The following KLF13 variants were observed in gnomAD, a reference collection of about 807,000 sequenced individuals.
The protein encoded by KLF13 is KLF transcription factor 13.
KLF13 carries 8 observed loss-of-function variants against 16.7 expected under a neutral mutation model. The observed-to-expected ratio is 0.48, with a 90% CI of 0.28 to 0.87. KLF13 has a LOEUF of 0.87. Ranked by LOEUF, KLF13 falls within the 40% of genes least tolerant of loss-of-function variation. The pLI, the probability that KLF13 is intolerant of heterozygous loss-of-function variation, is 0.10. For synonymous variants in KLF13, 245 were observed against 208.4 expected (o/e 1.18, Z -1.51); for missense variants, 447 against 452.2 (o/e 0.99, Z 0.10).
chr15:31,383,159 C>T (rs2039748800), intron 1 of KLF13, among the ~76,000 whole-genome samples: 1 of 152,240 alleles, frequency 6.6e-6, no homozygotes, highest in Non-Finnish European at 1.5e-5. Flanking sequence ...TTATTGCATG[C>T]TTACCCTGAT....
chr15:31,433,782 T>A (rs2040499228), intron 1 of KLF13, among the ~76,000 whole-genome samples: 1 of 152,322 alleles, frequency 6.6e-6, no homozygotes, highest in South Asian at 2.1e-4. Context: ...TGACACTGAC[T>A]GGCCACTCAG....
downstream of KLF13, among the ~76,000 whole-genome samples, chr15:31,407,751 T>C (rs1372067011): frequency 6.6e-6 from 1 of 152,150 alleles, no homozygotes; most frequent in Non-Finnish European, 1.5e-5. Context: ...ATAAGAAATA[T>C]ACTATAAAAT....
chr15:31,397,879 G>GC (rs1299651595), intron 2 of KLF13, among the ~76,000 whole-genome samples: 3 of 149,558 alleles, frequency 2.0e-5, no homozygotes, highest in Non-Finnish European at 3.0e-5. Flanking sequence ...GGCGGCGGGG[G>GC]GGGTGGTGAT....
intron 1 of KLF13, among the ~76,000 whole-genome samples, chr15:31,342,143 C>G (rs1033618429): frequency 6.6e-6 from 1 of 152,178 alleles, no homozygotes; most frequent in Non-Finnish European, 1.5e-5. Context: ...CAGAACAGTT[C>G]TGGACAAGTC....
intron 1 of KLF13, among the ~76,000 whole-genome samples, chr15:31,420,990 G>A (rs1055039974): frequency 2.0e-5 from 3 of 152,138 alleles, no homozygotes; most frequent in African/African-American, 7.2e-5. Flanking sequence ...ACCATGCCTG[G>A]CTTCCCTGCC....
chr15:31,361,550 C>A (rs1310967637), intron 1 of KLF13, among the ~76,000 whole-genome samples: 3 of 151,998 alleles, frequency 2.0e-5, no homozygotes, highest in East Asian at 1.9e-4. Flanking sequence ...AGGTCCCCCC[C>A]AGGAGACACA....
At chr15:31,426,388 C>T (rs1335839412) in intron 1 of KLF13, among the ~76,000 whole-genome samples, 1 of 152,178 alleles carries the variant, frequency 6.6e-6, no homozygotes, top group Non-Finnish European at 1.5e-5. Context: ...AGCCTCCTGA[C>T]ATTGGACTTG....
At chr15:31,336,903 C>T (rs552562560) in intron 1 of KLF13, among the ~76,000 whole-genome samples, 2 of 152,258 alleles carry the variant, frequency 1.3e-5, no homozygotes, top group South Asian at 4.1e-4. Context: ...CAACAAACCC[C>T]AACACATTTT....
downstream of KLF13, among the ~76,000 whole-genome samples, chr15:31,405,659 C>T (rs1342418965): frequency 1.3e-5 from 2 of 152,150 alleles, no homozygotes; most frequent in African/African-American, 2.4e-5. Context: ...AAGCTGGGTA[C>T]CCTCTGGTGA....
intron 1 of KLF13, among the ~76,000 whole-genome samples, chr15:31,371,374 A>C (rs1355145298): frequency 2.6e-5 from 4 of 152,198 alleles, no homozygotes; most frequent in African/African-American, 9.7e-5. Context: ...TTGGGTCTGC[A>C]AGAGGCTGTT....
chr15:31,357,795 CCCCCCACCAACTGCA>C (rs2039323506), intron 1 of KLF13, among the ~76,000 whole-genome samples: 1 of 152,106 alleles, frequency 6.6e-6, no homozygotes, highest in African/African-American at 2.4e-5. Flanking sequence ...TGTTCAGGTG[CCCCCCACCAACTGCA>C]CCCCCACCCC....
intron 1 of KLF13, 106 bp from the exon 2 acceptor site, chr15:31,371,904 A>AGGGGTGTTGAGAGACC (rs1222329219): frequency 2.4e-6 from 3 of 1,234,126 alleles, no homozygotes; most frequent in South Asian, 1.5e-5. Flanking sequence ...GGCATGTGGG[A>AGGGGTGTTGAGAGACC]GGGGTGTTGA....
intron 1 of KLF13, among the ~76,000 whole-genome samples, chr15:31,351,392 A>G (rs886993568): frequency 6.6e-6 from 1 of 152,140 alleles, no homozygotes; most frequent in African/African-American, 2.4e-5. Flanking sequence ...CATACAAGTC[A>G]TTTTCTGTTC....
chr15:31,348,386 C>T (rs368600248), intron 1 of KLF13, among the ~76,000 whole-genome samples: 3 of 152,198 alleles, frequency 2.0e-5, no homozygotes, highest in Non-Finnish European at 4.4e-5. Flanking sequence ...ACACGCACGC[C>T]GCACCACATG....
At chr15:31,409,857 T>A (rs2040170516) in intron 1 of KLF13, among the ~76,000 whole-genome samples, 1 of 152,110 alleles carries the variant, frequency 6.6e-6, no homozygotes, top group Admixed American at 6.5e-5. Context: ...CTAGCAGCCC[T>A]GCAATATAAG....
In KLF13 at chr15:31,376,959, C is replaced by A. The variant is rs1252142580; in HGVS notation, c.*4660C>A. On this transcript the variant is annotated 3_prime_UTR_variant, in exon 2 of 2. Transcript: ENST00000307145. The stretch of plus-strand genomic sequence containing the variant: ...TCCCCTACCCTACAAGTCACACATT[C>A]CGGGGAGGGGGGTGGGGGGTGGAGG... The A allele has an allele frequency of 4.6e-5, 5 of 108,190 alleles. No homozygotes were observed. The East Asian group carries it at 1.2e-3, about 27-fold the overall frequency. 6.7% of individuals were successfully genotyped at this position (108,190 alleles called of 1,614,324 possible). A position where few individuals can be genotyped will look rare whatever the true frequency, so the allele number is the denominator to read the frequency against.
downstream of KLF13, among the ~76,000 whole-genome samples, chr15:31,405,041 G>T (rs1330357459): frequency 1.3e-5 from 2 of 152,222 alleles, no homozygotes; most frequent in African/African-American, 2.4e-5. Flanking sequence ...ATGGAACCAT[G>T]TGCCCCTGAA....
chr15:31,427,309 T>C (rs1236671085), intron 1 of KLF13, among the ~76,000 whole-genome samples: 2 of 151,232 alleles, frequency 1.3e-5, no homozygotes, highest in African/African-American at 2.5e-5. Flanking sequence ...TCACACCCCT[T>C]AGGAGGACCA....
intron 1 of KLF13, among the ~76,000 whole-genome samples, chr15:31,425,959 A>C (rs539706703): frequency 6.6e-6 from 1 of 152,210 alleles, no homozygotes; most frequent in Non-Finnish European, 1.5e-5. Context: ...TTCTTCCACA[A>C]GATACCCTAA....
Sources: gnomAD v4.1 joint callset for allele counts (sites outside exome capture counted in the v4.1 genomes callset) on GRCh38, gnomAD v4.1.1 for gene constraint, MANE v1.5 for transcripts, NCBI Gene and HGNC (gene_info 2026-07-23, HGNC 2026-07-21) for gene names.